TRIM38: variants seen among roughly 807,000 people sequenced by gnomAD.
The protein encoded by TRIM38 is E3 ubiquitin-protein ligase TRIM38.
TRIM38 carries 35 observed loss-of-function variants against 35.8 expected under a neutral mutation model. That is an observed-to-expected ratio of 0.98 (90% CI 0.75 to 1.30). The LOEUF (loss-of-function observed/expected upper bound fraction) is 1.30. TRIM38 is among the 50% of genes most tolerant of loss of function. The probability of loss-of-function intolerance (pLI) is 0.00; values close to 1 mark genes in which losing one functional copy is unlikely to be tolerated. For missense variants in TRIM38, 545 were observed against 556.9 expected (o/e 0.98, Z 0.21); for synonymous variants, 198 against 204.7 (o/e 0.97, Z 0.28).
chr6:25,983,285 C>G lies in TRIM38; in HGVS notation c.996C>G (p.Ala332=). ...NQDTSSRRFT[A]FPCVLGCEGF... Reference sequence around the variant, plus strand: ...ACACATCTTCCAGGAGATTTACTGCCTTCCCCTGTGTCTTGGGTTGTGAAG... The same window carrying G: ...ACACATCTTCCAGGAGATTTACTGCGTTCCCCTGTGTCTTGGGTTGTGAAG... The change falls in exon 8 of 8, where the codon GCC becomes GCG. Residue 332 remains alanine (A), a synonymous_variant. Coordinates refer to ENST00000357085, the MANE Select transcript of TRIM38 (RefSeq NM_006355.5). The G allele has an allele frequency of 1.2e-6, 2 of 1,614,154 alleles. No individual in the cohort carries two copies. Among genetic ancestry groups the G allele is most frequent in the Non-Finnish European group, 1.7e-6 (2 of 1,180,022 alleles).
intron 4 of TRIM38, 109 bp downstream of exon 4, chr6:25,969,529 G>A: frequency 1.2e-6 from 1 of 854,582 alleles, no homozygotes; most frequent in Non-Finnish European, 1.7e-6. Context: ...AAACCAGATT[G>A]AAAAAATGAA....
intron 7 of TRIM38, among the ~76,000 whole-genome samples, chr6:25,980,283 G>A (rs1301843269): frequency 3.9e-5 from 6 of 152,142 alleles, no homozygotes; most frequent in Non-Finnish European, 8.8e-5. Context: ...CATGATGATT[G>A]TAGATTTGTC....
intron 7 of TRIM38, chr6:25,975,719 CAT>C (rs1760372321): frequency 1.0e-6 from 1 of 967,574 alleles, no homozygotes; most frequent in Admixed American, 6.2e-5. Context: ...ACAAACGTAA[CAT>C]ATATACACTG....
At position 25,983,212 on chromosome 6, in the gene TRIM38, C is replaced by T; in HGVS notation, c.923C>T (p.Ser308Phe). ...PDTAHHELIL[S>F]EDRRQVTRGY... Reference sequence around the variant, plus strand: ...ACAGCTCATCACGAACTAATTCTCTCTGAGGATCGGAGACAAGTGACTCGT... The same window carrying T: ...ACAGCTCATCACGAACTAATTCTCTTTGAGGATCGGAGACAAGTGACTCGT... Residue 308 changes from serine to phenylalanine, a missense_variant, in exon 8 of 8, where the codon TCT becomes TTT. Physicochemically the swap from Ser to Phe is radical, Grantham distance 155. Coordinates refer to ENST00000357085, the MANE Select transcript of TRIM38 (RefSeq NM_006355.5). 4.3e-6 allele frequency: 7 copies of T among 1,612,520 alleles called. No individual in the cohort carries two copies. Among genetic ancestry groups the T allele is most frequent in the Non-Finnish European group, 5.9e-6 (7 of 1,179,286 alleles).
At chr6:25,973,494 A>G (rs1760302896) in intron 7 of TRIM38, 1 of 985,184 alleles carries the variant, frequency 1.0e-6, no homozygotes, top group Non-Finnish European at 1.2e-6. Context: ...AAACCTTTCA[A>G]ATTCTTATTC....
Position 25,983,544 on chromosome 6 carries a change from G to A in TRIM38, c.1255G>A (p.Glu419Lys), listed in dbSNP as rs1471886641. 1 of 1,614,064 alleles carries A rather than the reference G, an allele frequency of 6.2e-7. No homozygotes were observed. The highest frequency in any genetic ancestry group is 1.1e-5 in the South Asian group (1 of 91,088). Residue 419 changes from glutamate to lysine, a missense_variant, in exon 8 of 8, where the codon GAG becomes AAG. Physicochemically the swap from Glu to Lys is moderately conservative, Grantham distance 56. Transcript: ENST00000357085. ...PLLVGIFLDYEAGVVSFYNGN... is the reference protein window; with the variant it reads ...PLLVGIFLDYKAGVVSFYNGN... Reference sequence around the variant, plus strand: ...GCTTGTGGGAATTTTTCTGGACTATGAGGCCGGAGTTGTATCCTTTTATAA... The same window carrying A: ...GCTTGTGGGAATTTTTCTGGACTATAAGGCCGGAGTTGTATCCTTTTATAA...
intron 5 of TRIM38, 55 bp from the exon 6 acceptor site, chr6:25,972,999 G>T: frequency 6.2e-7 from 1 of 1,610,692 alleles, no homozygotes; most frequent in Non-Finnish European, 8.5e-7. Context: ...TGCATGACAA[G>T]CCCCATGAAA....
chr6:25,968,509 A>G (rs1305420178), intron 3 of TRIM38, among the ~76,000 whole-genome samples: 3 of 152,254 alleles, frequency 2.0e-5, no homozygotes, highest in Non-Finnish European at 2.9e-5. Flanking sequence ...TAGAATGCAT[A>G]GAATAGCACT....
chr6:25,975,971 A>G (rs1581605340), intron 7 of TRIM38, among the ~76,000 whole-genome samples: 1 of 152,208 alleles, frequency 6.6e-6, no homozygotes, highest in Non-Finnish European at 1.5e-5. Flanking sequence ...ATGGTACCAT[A>G]TTACTTGACT....
chr6:25,970,963 G>A (rs957525168), intron 4 of TRIM38, among the ~76,000 whole-genome samples: 1 of 151,970 alleles, frequency 6.6e-6, no homozygotes, highest in Non-Finnish European at 1.5e-5. Flanking sequence ...ATGACCCTAG[G>A]GTAGTAGAAC....
chr6:25,965,450 T>C (rs970387839), intron 2 of TRIM38, among the ~76,000 whole-genome samples: 3 of 152,198 alleles, frequency 2.0e-5, no homozygotes, highest in African/African-American at 7.2e-5. Context: ...CCAATGCATT[T>C]CTTCTTTCTG....
chr6:25,970,510 C>T (rs1760199057), intron 4 of TRIM38, among the ~76,000 whole-genome samples: 1 of 152,080 alleles, frequency 6.6e-6, no homozygotes, highest in South Asian at 2.1e-4. Flanking sequence ...TAACCTCTAC[C>T]CTGATCTTTG....
chr6:25,986,498 A>G lies in TRIM38; in HGVS notation c.*2811A>G, dbSNP rs1760711617. ...CACTGAATTCCAGCCTAAGTGACAG[A>G]GCAAGACCTTGTCTCAAAAAAAAAA... On this transcript the variant is annotated 3_prime_UTR_variant, in exon 8 of 8. Transcript: ENST00000357085. 6.7e-6 allele frequency: 1 copy of G among 150,274 alleles called. No homozygotes were observed. The highest frequency in any genetic ancestry group is 2.5e-5 in the African/African-American group (1 of 40,538). The allele number at this position is 150,274 out of a possible 1,614,324, so 9.3% of individuals were successfully genotyped here.
chr6:25,970,367 C>T (rs531952025), intron 4 of TRIM38, among the ~76,000 whole-genome samples: 178 of 152,264 alleles, frequency 1.2e-3, no homozygotes, highest in African/African-American at 4.0e-3. Flanking sequence ...AAAGTAATTG[C>T]GGTCTTTGCC....
intron 7 of TRIM38, chr6:25,973,718 A>G (rs1760308464): frequency 2.0e-6 from 2 of 985,318 alleles, no homozygotes; most frequent in Admixed American, 6.1e-5. Flanking sequence ...GCCAACTCTT[A>G]GAGCAATGCA....
rs1760813794 is a variant in TRIM38, at chr6:25,990,779, C to T, written c.*7092C>T. 2 of 151,560 alleles carry T rather than the reference C, an allele frequency of 1.3e-5. No individual in the cohort carries two copies. The highest frequency in any genetic ancestry group is 1.3e-4 in the Admixed American group (2 of 15,248). 9.4% of individuals were successfully genotyped at this position (151,560 alleles called of 1,614,324 possible). A position where few individuals can be genotyped will look rare whatever the true frequency, so the allele number is the denominator to read the frequency against. ...TAATTCACAGTTATCCTTGTAACTC[C>T]TAATGTCTATATAAAAGATTTTTAT... On this transcript the variant is annotated 3_prime_UTR_variant, in exon 8 of 8. Coordinates refer to ENST00000357085, the MANE Select transcript of TRIM38 (RefSeq NM_006355.5).
At chr6:25,969,513 C>A in intron 4 of TRIM38, 93 bp downstream of exon 4, 2 of 1,009,806 alleles carry the variant, frequency 2.0e-6, no homozygotes, top group South Asian at 2.1e-5. Context: ...AGGATTTATT[C>A]TCACTAAACC....
intron 7 of TRIM38, 57 bp downstream of exon 7, chr6:25,973,342 C>A: frequency 1.3e-6 from 2 of 1,581,182 alleles, no homozygotes; most frequent in Admixed American, 1.7e-5. Context: ...TATGCAGTAA[C>A]CAAGTTTACC....
At chr6:25,975,203 A>C (rs1760356648) in intron 7 of TRIM38, 1 of 937,816 alleles carries the variant, frequency 1.1e-6, no homozygotes, top group Non-Finnish European at 1.3e-6. Context: ...TGTTTATTAA[A>C]ATTTTTCTTT....
Sources: allele counts gnomAD v4.1 joint callset (sites outside exome capture counted in the v4.1 genomes callset), GRCh38; gene constraint gnomAD v4.1.1; transcripts MANE v1.5; gene names NCBI Gene and HGNC (gene_info 2026-07-23, HGNC 2026-07-21).